Variants in BLTP3B observed in about 807,000 individuals in gnomAD.
BLTP3B encodes the protein UHRF1 (ICBP90) binding protein 1-like.
At chr12:100,110,321 C>T in the BLTP3B span, among the ~76,000 whole-genome samples, 1 of 152,182 alleles carries the variant, frequency 6.6e-6, no homozygotes, top group Non-Finnish European at 1.5e-5. Context: ...AGAAATACAA[C>T]AATCATTTAA....
At chr12:100,098,919 C>CAGACAGATAGAT in the BLTP3B span, among the ~76,000 whole-genome samples, 4 of 139,708 alleles carry the variant, frequency 2.9e-5, no homozygotes, top group African/African-American at 7.7e-5. Context: ...AAAATATAGA[C>CAGACAGATAGAT]AGATAGATAG....
chr12:100,106,929 A>G, the BLTP3B span, among the ~76,000 whole-genome samples: 1 of 152,280 alleles, frequency 6.6e-6, no homozygotes. Context: ...AACTAAGCAG[A>G]CAACTCTTAA....
the BLTP3B span, chr12:100,037,762 T>G: frequency 6.3e-7 from 1 of 1,588,302 alleles, no homozygotes; most frequent in Non-Finnish European, 8.5e-7. Context: ...TGAGCTGAAA[T>G]GATAAATGGC....
chr12:100,124,167 C>T, the BLTP3B span, among the ~76,000 whole-genome samples: 1 of 151,106 alleles, frequency 6.6e-6, no homozygotes, highest in Non-Finnish European at 1.5e-5. Context: ...CTAGCTACTT[C>T]AGAGGCTGAG....
the BLTP3B span, among the ~76,000 whole-genome samples, chr12:100,134,381 G>A: frequency 6.6e-6 from 1 of 152,130 alleles, no homozygotes; most frequent in Admixed American, 6.5e-5. Context: ...TGAGGCAGGT[G>A]GATCACTTGA....
chr12:100,063,243 T>C, the BLTP3B span, among the ~76,000 whole-genome samples: 1 of 152,068 alleles, frequency 6.6e-6, no homozygotes, highest in Non-Finnish European at 1.5e-5. Context: ...ACAACCCAAA[T>C]ACTGTGCTGG....
chr12:100,072,452 A>G, the BLTP3B span, among the ~76,000 whole-genome samples: 1 of 152,178 alleles, frequency 6.6e-6, no homozygotes, highest in African/African-American at 2.4e-5. Context: ...CATGCCTGCA[A>G]TCCCAACACT....
chr12:100,062,871 A>T, the BLTP3B span, among the ~76,000 whole-genome samples: 2 of 151,984 alleles, frequency 1.3e-5, no homozygotes, highest in Admixed American at 1.3e-4. Flanking sequence ...TGAGGTGGGA[A>T]GGTCACTTGA....
chr12:100,048,602 T>C, the BLTP3B span, among the ~76,000 whole-genome samples: 1 of 152,084 alleles, frequency 6.6e-6, no homozygotes, highest in Non-Finnish European at 1.5e-5. Flanking sequence ...GTTTTGCACC[T>C]TCCTCATTAA....
At chr12:100,138,352 CT>C in the BLTP3B span, among the ~76,000 whole-genome samples, 1 of 152,226 alleles carries the variant, frequency 6.6e-6, no homozygotes, top group African/African-American at 2.4e-5. Flanking sequence ...GGCAAAACAA[CT>C]TTACTAGCAC....
chr12:100,061,456 G>A, the BLTP3B span, among the ~76,000 whole-genome samples: 1 of 152,070 alleles, frequency 6.6e-6, no homozygotes, highest in Non-Finnish European at 1.5e-5. Context: ...AGGAGATCGA[G>A]ACCATCCTGG....
At chr12:100,112,858 C>CAAAAAA in the BLTP3B span, among the ~76,000 whole-genome samples, 9 of 60,614 alleles carry the variant, frequency 1.5e-4, no homozygotes, top group East Asian at 4.0e-3. Flanking sequence ...GACTCCATCT[C>CAAAAAA]AAAAAAAAAA....
chr12:100,112,349 A>T, the BLTP3B span, among the ~76,000 whole-genome samples: 151 of 152,182 alleles, frequency 9.9e-4, no homozygotes, highest in African/African-American at 3.2e-3. Context: ...CAAAAAATTT[A>T]AAAAAGAATT....
the BLTP3B span, among the ~76,000 whole-genome samples, chr12:100,121,140 G>C: frequency 6.6e-6 from 1 of 152,082 alleles, no homozygotes; most frequent in Non-Finnish European, 1.5e-5. Context: ...CTGAGGTCAG[G>C]AGTTTGAGAC....
chr12:100,050,982 C>T, the BLTP3B span: 1 of 1,500,424 alleles, frequency 6.7e-7, no homozygotes, highest in Admixed American at 2.3e-5. Context: ...TCTAAGAATT[C>T]ATTTTATATA....
At chr12:100,120,514 C>T in the BLTP3B span, among the ~76,000 whole-genome samples, 6,343 of 152,216 alleles carry the variant, frequency 0.042, 282 homozygotes, top group African/African-American at 0.11. Context: ...TTAAAAACCA[C>T]AGTAAGATAC....
At chr12:100,142,334 G>GCCGCGCT in the BLTP3B span, among the ~76,000 whole-genome samples, 11 of 152,122 alleles carry the variant, frequency 7.2e-5, no homozygotes, top group African/African-American at 1.7e-4. Flanking sequence ...ATCCCAGCCC[G>GCCGCGCT]CCGCGCTCCG....
At chr12:100,133,791 T>G in the BLTP3B span, among the ~76,000 whole-genome samples, 1 of 152,198 alleles carries the variant, frequency 6.6e-6, no homozygotes, top group Non-Finnish European at 1.5e-5. Context: ...GAAAGACACC[T>G]GCTATATACA....
At chr12:100,076,992 A>G in the BLTP3B span, among the ~76,000 whole-genome samples, 5 of 152,180 alleles carry the variant, frequency 3.3e-5, no homozygotes, top group Non-Finnish European at 7.3e-5. Context: ...TTCACTCACA[A>G]CCATGTGGGA....
Sources: gnomAD v4.1 joint callset for allele counts (sites outside exome capture counted in the v4.1 genomes callset) on GRCh38, gnomAD v4.1.1 for gene constraint, MANE v1.5 for transcripts, NCBI Gene and HGNC (gene_info 2026-07-23, HGNC 2026-07-21) for gene names.